Variants in SHC3 observed in about 807,000 individuals in gnomAD.
SHC3 encodes the protein SHC adaptor protein 3.
SHC3 carries 15 observed loss-of-function variants against 60.4 expected under a neutral mutation model. The observed-to-expected ratio is 0.25, with a 90% CI of 0.17 to 0.38. The LOEUF (loss-of-function observed/expected upper bound fraction) is 0.38. Among genes scored for constraint, SHC3 ranks in the 10% least tolerant of loss-of-function variants. SHC3 has a pLI of 1.00. For missense variants in SHC3, 677 were observed against 786.1 expected, an observed-to-expected ratio of 0.86 and a Z score of 1.66; for synonymous variants, 294 against 325.9, an observed-to-expected ratio of 0.90 and a Z score of 1.05.
intron 11 of SHC3, among the ~76,000 whole-genome samples, chr9:89,023,636 A>G (rs1260160975): frequency 1.3e-5 from 2 of 152,126 alleles, no homozygotes; most frequent in African/African-American, 4.8e-5. Flanking sequence ...GTAGAAATTA[A>G]TTTTTCAAAT....
chr9:89,023,919 C>A (rs1378922490), intron 11 of SHC3, among the ~76,000 whole-genome samples: 4 of 152,336 alleles, frequency 2.6e-5, no homozygotes. Flanking sequence ...ACTACTGCCT[C>A]ATCTCCATCC....
intron 1 of SHC3, among the ~76,000 whole-genome samples, chr9:89,134,518 A>G (rs991625693): frequency 6.6e-6 from 1 of 152,108 alleles, no homozygotes; most frequent in Non-Finnish European, 1.5e-5. Context: ...TTACAGTTGA[A>G]CTGATTAAGA....
intron 6 of SHC3, among the ~76,000 whole-genome samples, chr9:89,061,877 G>C (rs1483170247): frequency 1.3e-5 from 2 of 152,068 alleles, no homozygotes; most frequent in Non-Finnish European, 2.9e-5. Flanking sequence ...TCAGTTATCA[G>C]ATCAAAAAAA....
intron 11 of SHC3, 27 bp downstream of exon 11, chr9:89,037,966 C>A: frequency 6.3e-7 from 1 of 1,597,920 alleles, no homozygotes; most frequent in Admixed American, 1.7e-5. Flanking sequence ...ACTGGCAGGT[C>A]CGGCCCCACC....
At chr9:89,117,275 A>G (rs1452099844) in intron 1 of SHC3, among the ~76,000 whole-genome samples, 1 of 152,198 alleles carries the variant, frequency 6.6e-6, no homozygotes, top group Non-Finnish European at 1.5e-5. Flanking sequence ...ATCACCCGGC[A>G]TAAGCAAGCA....
intron 2 of SHC3, among the ~76,000 whole-genome samples, chr9:89,092,071 T>C (rs1002376611): frequency 1.3e-5 from 2 of 152,204 alleles, no homozygotes; most frequent in Non-Finnish European, 2.9e-5. Context: ...ATTGTTTTGA[T>C]GATAAAACTG....
intron 11 of SHC3, among the ~76,000 whole-genome samples, chr9:89,028,820 GC>G (rs1824420217): frequency 1.4e-5 from 2 of 143,288 alleles, no homozygotes; most frequent in Admixed American, 7.0e-5. Flanking sequence ...TCTATATATA[GC>G]ATATATATAC....
intron 2 of SHC3, among the ~76,000 whole-genome samples, chr9:89,083,746 T>C (rs568331272): frequency 1.3e-5 from 2 of 152,300 alleles, no homozygotes; most frequent in African/African-American, 2.4e-5. Flanking sequence ...CACTCTTTCA[T>C]CTTGGGGACG....
chr9:89,053,403 C>T (rs568627595), intron 6 of SHC3, among the ~76,000 whole-genome samples: 2 of 152,344 alleles, frequency 1.3e-5, no homozygotes, highest in East Asian at 3.9e-4. Context: ...AAGATGAAAG[C>T]TGTCAGGGAG....
At chr9:89,104,134 C>T (rs1283829105) in intron 2 of SHC3, among the ~76,000 whole-genome samples, 1 of 151,816 alleles carries the variant, frequency 6.6e-6, no homozygotes, top group Middle Eastern at 3.2e-3. Flanking sequence ...CATCTATGTT[C>T]TCCATTTTTA....
At chr9:89,155,010 G>A (rs1344998639) in intron 1 of SHC3, among the ~76,000 whole-genome samples, 2 of 152,152 alleles carry the variant, frequency 1.3e-5, no homozygotes, top group Admixed American at 1.3e-4. Flanking sequence ...TTTTCACTCT[G>A]CCACTAAGCT....
At chr9:89,120,877 A>G (rs1243852500) in intron 1 of SHC3, among the ~76,000 whole-genome samples, 6 of 151,712 alleles carry the variant, frequency 4.0e-5, no homozygotes, top group Non-Finnish European at 5.9e-5. Flanking sequence ...TAAACATAAA[A>G]TTTATTTAAA....
intron 2 of SHC3, among the ~76,000 whole-genome samples, chr9:89,081,421 G>A (rs1042121322): frequency 2.6e-5 from 4 of 152,222 alleles, no homozygotes; most frequent in African/African-American, 9.6e-5. Flanking sequence ...CCTTTGCAGG[G>A]AAGAAGGCAC....
chr9:89,026,972 T>C (rs28637654), intron 11 of SHC3, among the ~76,000 whole-genome samples: 65,381 of 152,058 alleles, frequency 0.43, 16,018 homozygotes, highest in East Asian at 0.78. Flanking sequence ...CCCCTTGTCA[T>C]CTCCAAGGTT....
chr9:89,092,258 C>G (rs1825632592), intron 2 of SHC3, among the ~76,000 whole-genome samples: 1 of 152,056 alleles, frequency 6.6e-6, no homozygotes, highest in African/African-American at 2.4e-5. Context: ...TTTTGCCTAG[C>G]AAAAGAAAGC....
intron 11 of SHC3, among the ~76,000 whole-genome samples, chr9:89,036,975 A>AAAAAG (rs1824589207): frequency 6.6e-6 from 1 of 151,774 alleles, no homozygotes; most frequent in Non-Finnish European, 1.5e-5. Flanking sequence ...AAAAAAAAAA[A>AAAAAG]AAAGAAGGTG....
At position 89,010,666 on chromosome 9, in the gene SHC3, G is replaced by C. The variant is rs778483713; in HGVS notation, c.*2781C>G. 5 of 152,366 alleles carry C rather than the reference G, an allele frequency of 3.3e-5. No homozygotes were observed. The highest frequency in any genetic ancestry group is 6.5e-5 in the Admixed American group (1 of 15,290). The allele number at this position is 152,366 out of a possible 1,614,324, so 9.4% of individuals were successfully genotyped here. On this transcript the variant is annotated 3_prime_UTR_variant, in exon 12 of 12. Coordinates refer to ENST00000375835, the MANE Select transcript of SHC3 (RefSeq NM_016848.6). ...AGCAGCGACTGTGCCCTGGAAGCCT[G>C]AGGCCCTGGAACGCAAGGCCTAATG...
At chr9:89,107,523 C>T (rs913876694) in intron 2 of SHC3, among the ~76,000 whole-genome samples, 3 of 152,232 alleles carry the variant, frequency 2.0e-5, no homozygotes, top group Admixed American at 6.5e-5. Context: ...TGCACATGCA[C>T]ACAGGCAAGC....
intron 1 of SHC3, among the ~76,000 whole-genome samples, chr9:89,125,760 C>T (rs961911858): frequency 1.2e-4 from 18 of 152,118 alleles, no homozygotes; most frequent in South Asian, 4.1e-4. Context: ...GGCAACGTCA[C>T]GAGCTTACTT....
Sources: gnomAD v4.1 joint callset for allele counts (sites outside exome capture counted in the v4.1 genomes callset) on GRCh38, gnomAD v4.1.1 for gene constraint, MANE v1.5 for transcripts, NCBI Gene and HGNC (gene_info 2026-07-23, HGNC 2026-07-21) for gene names.